Variants in DSCAM observed in about 807,000 individuals in gnomAD.
DSCAM encodes the protein DS cell adhesion molecule.
DSCAM carries 47 observed loss-of-function variants against 217.7 expected under a neutral mutation model. The ratio of observed to expected loss-of-function variants is 0.22; its 90% CI spans 0.17 to 0.28. The LOEUF is 0.28. Ranked by LOEUF, DSCAM falls within the 10% of genes least tolerant of loss-of-function variation. The pLI is 1.00. For synonymous variants in DSCAM, 1,056 were observed against 1,015.3 expected, an observed-to-expected ratio of 1.04 and a Z score of -0.76; for missense variants, 2,080 against 2,618.3, an observed-to-expected ratio of 0.79 and a Z score of 4.49.
At chr21:40,800,322 T>C (rs1335347865) in intron 1 of DSCAM, among the ~76,000 whole-genome samples, 1 of 152,128 alleles carries the variant, frequency 6.6e-6, no homozygotes, top group Non-Finnish European at 1.5e-5. Flanking sequence ...GTGTTGATGA[T>C]AGTGAACACC....
intron 1 of DSCAM, among the ~76,000 whole-genome samples, chr21:40,772,056 T>G (rs1457742747): frequency 6.6e-6 from 1 of 151,526 alleles, no homozygotes; most frequent in African/African-American, 2.4e-5. Flanking sequence ...GGACGGGAAT[T>G]GACACAGAAT....
intron 9 of DSCAM, among the ~76,000 whole-genome samples, chr21:40,306,940 G>A (rs942174933): frequency 5.9e-5 from 9 of 152,040 alleles, no homozygotes; most frequent in African/African-American, 1.9e-4. Context: ...TTGGTATCAG[G>A]ATGACGCTGG....
chr21:40,709,182 G>T (rs1277668479), intron 1 of DSCAM, among the ~76,000 whole-genome samples: 1 of 152,114 alleles, frequency 6.6e-6, no homozygotes. Context: ...GGAGCATAGA[G>T]CCCAGCTCTC....
At chr21:40,590,519 G>A (rs2076976574) in intron 3 of DSCAM, among the ~76,000 whole-genome samples, 1 of 152,210 alleles carries the variant, frequency 6.6e-6, no homozygotes, top group Admixed American at 6.5e-5. Flanking sequence ...TGACTTAATG[G>A]TGTCACTGTG....
At chr21:40,513,841 TA>T (rs915470738) in intron 3 of DSCAM, among the ~76,000 whole-genome samples, 1 of 151,606 alleles carries the variant, frequency 6.6e-6, no homozygotes, top group African/African-American at 2.4e-5. Context: ...AATTTAAAAA[TA>T]AAAAAACTGT....
intron 1 of DSCAM, among the ~76,000 whole-genome samples, chr21:40,752,066 G>A (rs1462914924): frequency 6.6e-6 from 1 of 152,132 alleles, no homozygotes; most frequent in African/African-American, 2.4e-5. Flanking sequence ...TCCAAGAAGA[G>A]TCAAAACAAG....
intron 1 of DSCAM, among the ~76,000 whole-genome samples, chr21:40,777,562 AATC>A (rs901781306): frequency 1.3e-5 from 2 of 152,142 alleles, no homozygotes; most frequent in East Asian, 1.9e-4. Context: ...AAACGAAAAT[AATC>A]ATCATCATCA....
At chr21:40,636,504 C>G (rs531917456) in intron 3 of DSCAM, among the ~76,000 whole-genome samples, 51 of 152,192 alleles carry the variant, frequency 3.4e-4, no homozygotes, top group Non-Finnish European at 6.3e-4. Context: ...CTCATCTCCT[C>G]TCTTTCCGAA....
At chr21:40,555,635 GTTGT>G (rs2076665514) in intron 3 of DSCAM, among the ~76,000 whole-genome samples, 1 of 152,024 alleles carries the variant, frequency 6.6e-6, no homozygotes, top group African/African-American at 2.4e-5. Flanking sequence ...GTTTTTTGTT[GTTGT>G]TTGTTTTTTA....
intron 3 of DSCAM, chr21:40,384,577 A>T (rs1315638822): frequency 3.3e-5 from 5 of 153,058 alleles, no homozygotes; most frequent in Non-Finnish European, 7.3e-5. Flanking sequence ...ATTGCTCTCC[A>T]GCCTGGGCAA....
At chr21:40,483,919 C>A (rs2076003583) in intron 3 of DSCAM, among the ~76,000 whole-genome samples, 1 of 152,214 alleles carries the variant, frequency 6.6e-6, no homozygotes, top group Non-Finnish European at 1.5e-5. Flanking sequence ...TTAATCACTT[C>A]TTTCCTTACC....
intron 26 of DSCAM, among the ~76,000 whole-genome samples, chr21:40,075,562 A>C (rs1037261831): frequency 5.9e-5 from 9 of 152,226 alleles, no homozygotes; most frequent in Non-Finnish European, 1.0e-4. Flanking sequence ...CCACAGTACA[A>C]TTGATAGAGA....
intron 29 of DSCAM, among the ~76,000 whole-genome samples, chr21:40,054,916 G>A (rs1568915935): frequency 1.3e-5 from 2 of 152,182 alleles, no homozygotes; most frequent in African/African-American, 2.4e-5. Flanking sequence ...GTTAAATTAA[G>A]TAATGCACAC....
chr21:40,461,346 C>T (rs1438470060), intron 3 of DSCAM, among the ~76,000 whole-genome samples: 1 of 152,118 alleles, frequency 6.6e-6, no homozygotes, highest in Non-Finnish European at 1.5e-5. Context: ...ATAACATTTT[C>T]TAAAATCCCT....
rs1246789099 is a variant in DSCAM at position 40,846,980 on chromosome 21, G to A, written c.-319C>T. 1 of 152,286 alleles carries A rather than the reference G, an allele frequency of 6.6e-6. No homozygotes were observed. Among genetic ancestry groups the A allele is most frequent in the Non-Finnish European group, 1.5e-5 (1 of 68,062 alleles). 9.4% of individuals were successfully genotyped at this position (152,286 alleles called of 1,614,324 possible). On this transcript the variant is annotated 5_prime_UTR_variant, in exon 1 of 33. Coordinates refer to ENST00000400454, the MANE Select transcript of DSCAM (RefSeq NM_001389.5). ...GCAGGTGGAGAGAGCCGCAGACGCGGGCGTGAGCTCATCCCGGGCACTCGG... is the reference window on the plus strand; with the variant it reads ...GCAGGTGGAGAGAGCCGCAGACGCGAGCGTGAGCTCATCCCGGGCACTCGG...
chr21:40,422,774 C>T (rs773558096), intron 3 of DSCAM, among the ~76,000 whole-genome samples: 1 of 152,168 alleles, frequency 6.6e-6, no homozygotes, highest in Non-Finnish European at 1.5e-5. Flanking sequence ...AGCCACAAAA[C>T]CAAAATCTCT....
chr21:40,769,921 C>A (rs1309455566), intron 1 of DSCAM, among the ~76,000 whole-genome samples: 7 of 152,182 alleles, frequency 4.6e-5, no homozygotes, highest in Non-Finnish European at 8.8e-5. Flanking sequence ...ATCCACTGAT[C>A]CCCACCTCAC....
At chr21:40,729,542 T>C (rs2090991378) in intron 1 of DSCAM, among the ~76,000 whole-genome samples, 1 of 152,238 alleles carries the variant, frequency 6.6e-6, no homozygotes, top group Non-Finnish European at 1.5e-5. Flanking sequence ...TGTTCCTTTG[T>C]AATCACTTAA....
chr21:40,204,690 C>A (rs980949706), intron 11 of DSCAM, among the ~76,000 whole-genome samples: 1 of 152,292 alleles, frequency 6.6e-6, no homozygotes, highest in East Asian at 1.9e-4. Flanking sequence ...CCAGAACCAG[C>A]GCCTTTACTT....
Sources: gnomAD v4.1 joint callset for allele counts (sites outside exome capture counted in the v4.1 genomes callset) on GRCh38, gnomAD v4.1.1 for gene constraint, MANE v1.5 for transcripts, NCBI Gene and HGNC (gene_info 2026-07-23, HGNC 2026-07-21) for gene names.